The following VPS13D variants were observed in gnomAD, a reference collection of about 807,000 sequenced individuals.
VPS13D encodes the protein vacuolar protein sorting 13 homolog D, also known as intermembrane lipid transfer protein VPS13D.
VPS13D carries 187 observed loss-of-function variants against 461.9 expected under a neutral mutation model. The ratio of observed to expected loss-of-function variants is 0.40; its 90% CI spans 0.36 to 0.46. The LOEUF (loss-of-function observed/expected upper bound fraction) is 0.46, where lower values mean the gene tolerates loss of function less well. Ranked by LOEUF, VPS13D falls within the 20% of genes least tolerant of loss-of-function variation. The pLI is 0.60. For synonymous variants in VPS13D, 1,951 were observed against 1,986.3 expected, an observed-to-expected ratio of 0.98 and a Z score of 0.47; for missense variants, 4,711 against 5,364.9, an observed-to-expected ratio of 0.88 and a Z score of 3.81.
Position 12,378,525 on chromosome 1 carries a change from C to T in VPS13D, c.11015C>T (p.Ala3672Val). 1 of 1,611,920 alleles carries T rather than the reference C, an allele frequency of 6.2e-7. No individual in the cohort carries two copies. The highest frequency in any genetic ancestry group is 8.5e-7 in the Non-Finnish European group (1 of 1,179,088). Residue 3672 changes from alanine (A) to valine (V), a missense_variant, in exon 56 of 70, where the codon GCC (alanine) becomes GTC (valine). Ala to Val is a moderately conservative substitution (Grantham distance 64). Coordinates refer to ENST00000620676, the MANE Select transcript of VPS13D (RefSeq NM_015378.4). ...CCTCACAATCCCAATAAGCCCTCAG[C>T]CGCCCGCTCCACCGAGGGGTCTGCC... is the stretch of plus-strand genomic sequence containing the variant. ...SVPHNPNKPS[A>V]ARSTEGSAIL...
chr1:12,319,437 A>G (rs1328888415), intron 31 of VPS13D, 60 bp from the exon 32 acceptor site: 2 of 1,601,382 alleles, frequency 1.2e-6, no homozygotes, highest in Non-Finnish European at 1.7e-6. Context: ...CTTGTTTGCA[A>G]CAGCCTGGTG....
chr1:12,328,608 T>C (rs1643252399), intron 36 of VPS13D, among the ~76,000 whole-genome samples: 1 of 152,110 alleles, frequency 6.6e-6, no homozygotes. Context: ...TGGTGCAATC[T>C]CGGCTCACCA....
At chr1:12,426,859 A>C (rs543262841) in intron 65 of VPS13D, among the ~76,000 whole-genome samples, 11 of 152,058 alleles carry the variant, frequency 7.2e-5, no homozygotes, top group African/African-American at 2.4e-4. Flanking sequence ...ACTAAAAATA[A>C]AAAAATTAGC....
chr1:12,296,556 A>G (rs2101445924), intron 24 of VPS13D, among the ~76,000 whole-genome samples: 2 of 152,284 alleles, frequency 1.3e-5, no homozygotes, highest in East Asian at 3.9e-4. Flanking sequence ...GCAACTATAT[A>G]ATCTATTAGT....
intron 40 of VPS13D, among the ~76,000 whole-genome samples, chr1:12,341,293 G>A (rs1000999846): frequency 1.3e-5 from 2 of 152,166 alleles, no homozygotes; most frequent in African/African-American, 4.8e-5. Flanking sequence ...TAGTATAAAA[G>A]AATAGGAAAG....
At chr1:12,374,583 G>T (rs1468583898) in intron 55 of VPS13D, among the ~76,000 whole-genome samples, 1 of 152,100 alleles carries the variant, frequency 6.6e-6, no homozygotes, top group Non-Finnish European at 1.5e-5. Flanking sequence ...AATCAGTCAA[G>T]ATTTTGTGGC....
At chr1:12,307,441 G>A (rs146005047) in intron 26 of VPS13D, among the ~76,000 whole-genome samples, 162 of 152,274 alleles carry the variant, frequency 1.1e-3, no homozygotes, top group African/African-American at 3.7e-3. Context: ...GGGAAAGAAG[G>A]CAGTGGGCTT....
At chr1:12,261,196 T>C in intron 12 of VPS13D, 47 bp downstream of exon 12, 1 of 1,598,688 alleles carries the variant, frequency 6.3e-7, no homozygotes, top group Non-Finnish European at 8.6e-7. Context: ...ATTCGTCTGT[T>C]ATTTGTGCAA....
At chr1:12,435,460 GAAC>G (rs1031763456) in intron 65 of VPS13D, among the ~76,000 whole-genome samples, 15 of 152,056 alleles carry the variant, frequency 9.9e-5, no homozygotes, top group South Asian at 4.2e-4. Flanking sequence ...GACCCTGTCT[GAAC>G]AACAACAACA....
At chr1:12,379,355 T>G (rs1388759938) in intron 56 of VPS13D, 133 bp from the exon 57 acceptor site, 4 of 712,434 alleles carry the variant, frequency 5.6e-6, no homozygotes, top group Admixed American at 6.1e-5. Flanking sequence ...GGATTCAAGC[T>G]AACTACCCAT....
At chr1:12,497,768 A>C in intron 68 of VPS13D, 137 bp downstream of exon 68, 1 of 1,159,022 alleles carries the variant, frequency 8.6e-7, no homozygotes, top group South Asian at 1.8e-5. Flanking sequence ...TCCTTGCCCC[A>C]AATGTTTTTT....
intron 65 of VPS13D, among the ~76,000 whole-genome samples, chr1:12,444,092 G>A (rs905742888): frequency 4.6e-5 from 7 of 151,948 alleles, no homozygotes; most frequent in East Asian, 3.9e-4. Context: ...TGATCCGCCC[G>A]CCCATCCCAA....
At position 12,417,778 on chromosome 1, in the gene VPS13D, A is replaced by G. The variant is rs571008257; in HGVS notation, c.12333+951A>G. 1.9e-4 allele frequency among the ~76,000 whole-genome samples: 29 copies of G among 152,254 alleles called. No individual in the cohort carries two copies. The South Asian group carries it at 5.8e-3, about 30-fold the overall frequency. On this transcript the variant is annotated intron_variant, in intron 65 of 69. Transcript: ENST00000620676. ...AATAATGTGTGAAAGCTGAGAATTT[A>G]TTCTTTTTTCCCCAAACTATTTTCT...
intron 46 of VPS13D, 142 bp downstream of exon 46, chr1:12,349,516 G>T: frequency 5.4e-6 from 5 of 929,546 alleles, no homozygotes; most frequent in Non-Finnish European, 7.9e-6. Context: ...TTGAGTTTTA[G>T]TTAGAGTTCA....
At chr1:12,447,680 G>A (rs994757383) in intron 65 of VPS13D, among the ~76,000 whole-genome samples, 1 of 152,188 alleles carries the variant, frequency 6.6e-6, no homozygotes, top group Non-Finnish European at 1.5e-5. Context: ...CTGGTGCCCA[G>A]CATCTATGAT....
chr1:12,316,916 C>T (rs1014333457), intron 30 of VPS13D, among the ~76,000 whole-genome samples: 1 of 152,156 alleles, frequency 6.6e-6, no homozygotes, highest in Admixed American at 6.5e-5. Flanking sequence ...CCCCTGACTG[C>T]ATCATGGTTT....
rs192154045 is a variant in VPS13D at position 12,436,655 on chromosome 1, T to A, written c.12334-19343T>A. On this transcript the variant is annotated intron_variant, in intron 65 of 69. Transcript: ENST00000620676. ...ATATACAATGTTAACTATTATTTTT[T>A]GCAAGTTTTTTTTTGTTTGTTTTTG... 5.0e-3 allele frequency among the ~76,000 whole-genome samples: 767 copies of A among 152,332 alleles called. 6 individuals are homozygous for A. Among genetic ancestry groups the A allele is most frequent in the African/African-American group, 0.017 (694 of 41,580 alleles).
chr1:12,382,802 C>T (rs529036213), intron 57 of VPS13D, among the ~76,000 whole-genome samples, 174 bp from the exon 58 acceptor site: 2 of 152,292 alleles, frequency 1.3e-5, no homozygotes, highest in Admixed American at 6.5e-5. Context: ...TGAAGTAATT[C>T]TCCTGTTTTT....
intron 65 of VPS13D, among the ~76,000 whole-genome samples, chr1:12,432,712 C>T (rs898375861): frequency 8.6e-5 from 13 of 151,996 alleles, no homozygotes; most frequent in Admixed American, 4.6e-4. Flanking sequence ...CCTCCCAACC[C>T]GGCCTCCTGA....
Sources: gnomAD v4.1 joint callset for allele counts (sites outside exome capture counted in the v4.1 genomes callset) on GRCh38, gnomAD v4.1.1 for gene constraint, MANE v1.5 for transcripts, NCBI Gene and HGNC (gene_info 2026-07-23, HGNC 2026-07-21) for gene names.